Variants in GRID2 observed in about 807,000 individuals in gnomAD.
GRID2 encodes glutamate ionotropic receptor delta type subunit 2.
GRID2 carries 33 observed loss-of-function variants against 114.8 expected under a neutral mutation model. The ratio of observed to expected loss-of-function variants is 0.29; its 90% CI spans 0.22 to 0.38. GRID2 has a LOEUF of 0.38. Ranked by LOEUF, GRID2 falls within the 10% of genes least tolerant of loss-of-function variation. The pLI, the probability that GRID2 is intolerant of heterozygous loss-of-function variation, is 1.00. For synonymous variants in GRID2, 505 were observed against 449.9 expected, an observed-to-expected ratio of 1.12 and a Z score of -1.55; for missense variants, 1,184 against 1,257.7, an observed-to-expected ratio of 0.94 and a Z score of 0.89.
chr4:92,713,431 A>G (rs1735357911), intron 2 of GRID2, among the ~76,000 whole-genome samples: 1 of 146,348 alleles, frequency 6.8e-6, no homozygotes, highest in South Asian at 2.2e-4. Context: ...AATTTAAAAA[A>G]ATTAGTTAAC....
rs574406200 is a variant in GRID2 at position 92,896,787 on chromosome 4, G to A, written c.245-188208G>A. ...AGACGGAGTCTCGCTCTGTCGCCCA[G>A]GCTGGAGTGCAGTGGCGCGATCTTT... On this transcript the variant is annotated intron_variant, in intron 2 of 15. Coordinates refer to ENST00000282020, the MANE Select transcript of GRID2 (RefSeq NM_001510.4). Among the ~76,000 whole-genome samples, 132 of 152,276 alleles carry A rather than the reference G, an allele frequency of 8.7e-4. No individual in the cohort carries two copies. The South Asian group carries it at 0.026, about 31-fold the overall frequency.
intron 13 of GRID2, among the ~76,000 whole-genome samples, chr4:93,526,188 G>T (rs1267008724): frequency 6.6e-6 from 1 of 152,120 alleles, no homozygotes; most frequent in East Asian, 1.9e-4. Context: ...TCACAATAGT[G>T]AGTGAGTTCT....
At chr4:93,716,233 C>T (rs1578645000) in intron 14 of GRID2, among the ~76,000 whole-genome samples, 1 of 152,214 alleles carries the variant, frequency 6.6e-6, no homozygotes, top group East Asian at 1.9e-4. Flanking sequence ...TATGCACATA[C>T]ACACATGAAT....
chr4:92,559,534 G>A (rs930562816), intron 1 of GRID2, among the ~76,000 whole-genome samples: 4 of 152,042 alleles, frequency 2.6e-5, no homozygotes, highest in South Asian at 2.1e-4. Flanking sequence ...TTCTGGATTC[G>A]ACATGCTCAA....
At chr4:93,352,898 T>C (rs1760942412) in intron 8 of GRID2, among the ~76,000 whole-genome samples, 1 of 152,024 alleles carries the variant, frequency 6.6e-6, no homozygotes, top group Non-Finnish European at 1.5e-5. Flanking sequence ...AGACTTGATC[T>C]CTATCAGTTT....
chr4:93,214,791 T>C (rs983190368), intron 5 of GRID2, among the ~76,000 whole-genome samples: 1 of 152,078 alleles, frequency 6.6e-6, no homozygotes, highest in Non-Finnish European at 1.5e-5. Context: ...GATAGATGAC[T>C]ACATCATTCC....
At chr4:93,253,824 A>G (rs574032097) in intron 8 of GRID2, among the ~76,000 whole-genome samples, 1 of 152,242 alleles carries the variant, frequency 6.6e-6, no homozygotes, top group East Asian at 1.9e-4. Context: ...TTTAAGATGC[A>G]TAGTATTACT....
chr4:93,288,876 G>A lies in GRID2; in HGVS notation c.1245+50386G>A, dbSNP rs535174157. On this transcript the variant is annotated intron_variant, in intron 8 of 15. Coordinates refer to ENST00000282020, the MANE Select transcript of GRID2 (RefSeq NM_001510.4). The stretch of plus-strand genomic sequence containing the variant: ...GTGAATAGCAGTCTTGTTAAAGTGA[G>A]AAGTAGTTTCACTCTCTTGAAATAC... Among the ~76,000 whole-genome samples, 7 of 152,242 alleles carry A rather than the reference G, an allele frequency of 4.6e-5. No individual in the cohort carries two copies. The East Asian group carries it at 1.4e-3, about 29-fold the overall frequency.
chr4:92,945,949 C>T (rs545763073), intron 2 of GRID2, among the ~76,000 whole-genome samples: 7 of 152,152 alleles, frequency 4.6e-5, no homozygotes, highest in East Asian at 1.9e-4. Flanking sequence ...GTTTTATTAG[C>T]GCATGCCTTT....
intron 2 of GRID2, among the ~76,000 whole-genome samples, chr4:92,828,309 A>G (rs1250065990): frequency 6.6e-6 from 1 of 152,106 alleles, no homozygotes; most frequent in African/African-American, 2.4e-5. Context: ...GAAATCTGCG[A>G]ATAGATTTGC....
intron 2 of GRID2, among the ~76,000 whole-genome samples, chr4:93,065,069 G>A (rs935775456): frequency 4.6e-5 from 7 of 151,756 alleles, no homozygotes; most frequent in African/African-American, 9.7e-5. Context: ...AAGTAAAAAC[G>A]GGGGAAATAT....
At chr4:92,699,962 T>C (rs1352218259) in intron 2 of GRID2, among the ~76,000 whole-genome samples, 2 of 152,208 alleles carry the variant, frequency 1.3e-5, no homozygotes, top group Admixed American at 6.5e-5. Context: ...AATGTATCTA[T>C]TAAAATATAG....
At chr4:92,625,718 G>C (rs1305742595) in intron 2 of GRID2, among the ~76,000 whole-genome samples, 4 of 151,810 alleles carry the variant, frequency 2.6e-5, no homozygotes, top group Non-Finnish European at 5.9e-5. Flanking sequence ...TAAATGTAAA[G>C]CATTTACAAC....
chr4:92,324,424 G>A (rs187593649), intron 1 of GRID2, among the ~76,000 whole-genome samples: 231 of 151,918 alleles, frequency 1.5e-3, no homozygotes, highest in Non-Finnish European at 2.8e-3. Flanking sequence ...ATTTGCTTGG[G>A]AATATTTTAA....
chr4:92,557,706 A>G (rs1476190857), intron 1 of GRID2, among the ~76,000 whole-genome samples: 1 of 149,972 alleles, frequency 6.7e-6, no homozygotes, highest in Non-Finnish European at 1.5e-5. Flanking sequence ...AGAAATGTGT[A>G]TTTATATATG....
chr4:92,523,750 AGTG>A (rs1724897463), intron 1 of GRID2, among the ~76,000 whole-genome samples: 2 of 152,018 alleles, frequency 1.3e-5, no homozygotes, highest in Non-Finnish European at 2.9e-5. Flanking sequence ...AGGACACAGA[AGTG>A]GGCTGTGTAC....
intron 6 of GRID2, among the ~76,000 whole-genome samples, chr4:93,223,269 C>T (rs1414690643): frequency 6.6e-6 from 1 of 152,064 alleles, no homozygotes; most frequent in Non-Finnish European, 1.5e-5. Context: ...CTAATACTTC[C>T]TTATGAAGGA....
At position 93,173,631 on chromosome 4, in the gene GRID2, C is replaced by G. The variant is rs188535034; in HGVS notation, c.736-33773C>G. On this transcript the variant is annotated intron_variant, in intron 4 of 15. Transcript: ENST00000282020. ...TTACATAAAATTGTCCTTGTTAGTT[C>G]TATTGTTTGTTTGTTTTTTGAGACG... Among the ~76,000 whole-genome samples, 596 of 151,880 alleles carry G rather than the reference C, an allele frequency of 3.9e-3. 3 individuals are homozygous for G. Among genetic ancestry groups the G allele is most frequent in the African/African-American group, 0.014 (584 of 41,296 alleles).
chr4:92,565,406 A>G (rs958267096), intron 1 of GRID2, among the ~76,000 whole-genome samples: 2 of 151,976 alleles, frequency 1.3e-5, no homozygotes, highest in African/African-American at 4.8e-5. Context: ...AGCTTTATAT[A>G]TATTCCCACT....
Sources: allele counts gnomAD v4.1 joint callset (sites outside exome capture counted in the v4.1 genomes callset), GRCh38; gene constraint gnomAD v4.1.1; transcripts MANE v1.5; gene names NCBI Gene and HGNC (gene_info 2026-07-23, HGNC 2026-07-21).